PHC2: variants seen among roughly 807,000 people sequenced by gnomAD.
PHC2 encodes the protein polyhomeotic homolog 2.
In PHC2, 29 loss-of-function variants were observed where a neutral mutation model predicts 87.4. The observed-to-expected ratio is 0.33, with a 90% CI of 0.25 to 0.45. The LOEUF is 0.45. Among genes scored for constraint, PHC2 ranks in the 20% least tolerant of loss-of-function variants. The pLI is 1.00. For synonymous variants in PHC2, 438 were observed against 461.7 expected (o/e 0.95, Z 0.66); for missense variants, 857 against 1,136.7 (o/e 0.75, Z 3.54).
At chr1:33,344,781 T>A (rs968387614) in intron 9 of PHC2, among the ~76,000 whole-genome samples, 10 of 151,932 alleles carry the variant, frequency 6.6e-5, no homozygotes, top group African/African-American at 1.7e-4. Flanking sequence ...TTTTTTTTTT[T>A]AATTATCTGT....
Position 33,368,405 on chromosome 1 carries a change from G to A in PHC2, c.663+131C>T, listed in dbSNP as rs1036433401. 8 of 611,458 alleles carry A rather than the reference G, an allele frequency of 1.3e-5. No homozygotes were observed. Among genetic ancestry groups the A allele is most frequent in the African/African-American group, 7.4e-5 (4 of 53,930 alleles). The allele number at this position is 611,458 out of a possible 1,614,324, so 37.9% of individuals were successfully genotyped here. A position where few individuals can be genotyped will look rare whatever the true frequency, so the allele number is the denominator to read the frequency against. ...ACAGGGTAGACGCGCAGGCCTGGGGGCATTGGGGTGTCCTGTCTCCCGCCT... is the reference window on the plus strand; with the variant it reads ...ACAGGGTAGACGCGCAGGCCTGGGGACATTGGGGTGTCCTGTCTCCCGCCT... On this transcript the variant is annotated intron_variant, in intron 6 of 14. Transcript: ENST00000683057. The surrounding 1 kb of genome is among the most constrained non-coding windows in gnomAD (Gnocchi z 6.6).
At chr1:33,345,941 A>G (rs1646836999) in intron 9 of PHC2, 3 of 985,124 alleles carry the variant, frequency 3.0e-6, no homozygotes, top group African/African-American at 3.5e-5. Context: ...TGAGTTGTGA[A>G]TAAGTAGTTA....
rs1273579851 is a variant in PHC2 at position 33,372,343 on chromosome 1, G to C, written c.279C>G (p.Leu93=). ...QQHLMLQTAA[L]QQQHLSSAQL... is the part of the protein sequence containing the mutation. ...GGGCGCTGCTGAGGTGCTGCTGCTG[G>C]AGCGCCGCGGTCTGCAGCATGAGGT... The change falls in exon 3 of 15, where the codon CTC becomes CTG. Residue 93 remains leucine, a synonymous_variant. Transcript: ENST00000683057. The C allele has an allele frequency of 6.2e-7, 1 of 1,603,692 alleles. No homozygotes were observed. The highest frequency in any genetic ancestry group is 8.5e-7 in the Non-Finnish European group (1 of 1,173,950).
chr1:33,356,269 A>G (rs1432773913), intron 7 of PHC2, among the ~76,000 whole-genome samples: 25 of 99,142 alleles, frequency 2.5e-4, no homozygotes, highest in African/African-American at 3.8e-4. Context: ...ATATATATAT[A>G]TATATATGTA....
chr1:33,374,427 G>A (rs1175901041), intron 2 of PHC2, among the ~76,000 whole-genome samples: 1 of 152,210 alleles, frequency 6.6e-6, no homozygotes, highest in Non-Finnish European at 1.5e-5. Context: ...GTAGGGGCAG[G>A]AAACATGGAT....
intron 1 of PHC2, among the ~76,000 whole-genome samples, chr1:33,421,372 A>G (rs1650429494): frequency 6.6e-6 from 1 of 152,136 alleles, no homozygotes; most frequent in African/African-American, 2.4e-5. Context: ...AGGTTGGGGG[A>G]AATAAGAAAA....
In PHC2 at chr1:33,349,927, G is replaced by C. The variant is rs2148264588; in HGVS notation, c.1558+4474C>G. Reference sequence around the variant, plus strand: ...CGAGTCTGGGACGGCTCCCGCGGCCGCCTCCGCCGGGGGCGGGGCGAGGGA... The same window carrying C: ...CGAGTCTGGGACGGCTCCCGCGGCCCCCTCCGCCGGGGGCGGGGCGAGGGA... On this transcript the variant is annotated intron_variant, in intron 9 of 14. Coordinates refer to ENST00000683057, the MANE Select transcript of PHC2 (RefSeq NM_001385109.1). This position sits in a 1 kb window ranked among gnomAD's most constrained non-coding sequence, Gnocchi z 4.2. 1 of 896,670 alleles carries C rather than the reference G, an allele frequency of 1.1e-6. No homozygotes were observed. Among genetic ancestry groups the C allele is most frequent in the East Asian group, 1.2e-4 (1 of 8,088 alleles). 55.5% of individuals were successfully genotyped at this position (896,670 alleles called of 1,614,324 possible).
intron 2 of PHC2, among the ~76,000 whole-genome samples, chr1:33,375,036 A>C (rs1249482826): frequency 6.6e-6 from 1 of 152,218 alleles, no homozygotes; most frequent in Non-Finnish European, 1.5e-5. Flanking sequence ...TTGGTCTCTG[A>C]AAAACTGAGA....
At chr1:33,429,005 A>G (rs1299908964) in intron 1 of PHC2, among the ~76,000 whole-genome samples, 6 of 152,266 alleles carry the variant, frequency 3.9e-5, no homozygotes, top group Non-Finnish European at 8.8e-5. Context: ...TGATCTTACT[A>G]CTTATTTCCC....
chr1:33,411,823 T>A (rs942326429), intron 1 of PHC2, among the ~76,000 whole-genome samples: 1 of 152,180 alleles, frequency 6.6e-6, no homozygotes, highest in Non-Finnish European at 1.5e-5. Flanking sequence ...CCTCCCAAAG[T>A]GCTGGGATTA....
intron 7 of PHC2, among the ~76,000 whole-genome samples, chr1:33,365,430 C>T (rs1158357908): frequency 2.6e-5 from 4 of 152,082 alleles, no homozygotes; most frequent in African/African-American, 4.8e-5. Flanking sequence ...GGTTACATTT[C>T]GGCCTGGGCT....
intron 7 of PHC2, among the ~76,000 whole-genome samples, chr1:33,362,281 T>A (rs1557833605): frequency 6.6e-6 from 1 of 152,232 alleles, no homozygotes; most frequent in African/African-American, 2.4e-5. Flanking sequence ...TACTACCTGT[T>A]ATCTGAATGT....
chr1:33,389,072 A>AAAG (rs1553188697), intron 1 of PHC2, among the ~76,000 whole-genome samples: 117 of 145,200 alleles, frequency 8.1e-4, no homozygotes, highest in African/African-American at 2.6e-3. Context: ...AAAAAAAAAA[A>AAAG]AAAGAAAGAA....
rs1351302923 is a variant in PHC2, at chr1:33,396,343, CG to C, written c.-54-20751del. Among the ~76,000 whole-genome samples, 13 of 150,346 alleles carry C rather than the reference CG, an allele frequency of 8.6e-5. 1 individual carries two copies. Among genetic ancestry groups the C allele is most frequent in the Admixed American group, 8.0e-4 (12 of 15,086 alleles). On this transcript the variant is annotated intron_variant, in intron 1 of 14. Transcript: ENST00000683057. ...GACCTGAATGGACAGTTGATTTTAA[CG>C]GGGTGGGGAAGGGTGAGGGGAGGGG...
intron 9 of PHC2, among the ~76,000 whole-genome samples, chr1:33,336,052 G>A (rs1308145701): frequency 2.0e-5 from 3 of 151,384 alleles, no homozygotes; most frequent in Non-Finnish European, 2.9e-5. Flanking sequence ...GCAGTGGTGC[G>A]ACCTATGCTC....
chr1:33,429,773 T>A (rs1180506518), intron 1 of PHC2, among the ~76,000 whole-genome samples: 2 of 152,264 alleles, frequency 1.3e-5, no homozygotes, highest in Admixed American at 6.5e-5. Context: ...AAGAGCAACG[T>A]GGAAGTGGAA....
Position 33,349,170 on chromosome 1 carries a change from CAAA to C in PHC2, c.1558+5228_1558+5230del, listed in dbSNP as rs1646905289. The C allele has an allele frequency of 3.0e-6, 3 of 985,334 alleles. No homozygotes were observed. Among genetic ancestry groups the C allele is most frequent in the Middle Eastern group, 5.2e-4 (1 of 1,936 alleles). The allele number at this position is 985,334 out of a possible 1,614,324, so 61.0% of individuals were successfully genotyped here. On this transcript the variant is annotated intron_variant, in intron 9 of 14. Coordinates refer to ENST00000683057, the MANE Select transcript of PHC2 (RefSeq NM_001385109.1). The surrounding 1 kb of genome is among the most constrained non-coding windows in gnomAD (Gnocchi z 4.2). ...TCGTGAGACTGAACTAGATTAAAAA[CAAA>C]ACTCTCCAGCGAAGCCGCAGGCGCC... is the stretch of plus-strand genomic sequence containing the variant.
rs767002913 is a variant in PHC2 at position 33,368,181 on chromosome 1, G to A, written c.663+355C>T. On this transcript the variant is annotated intron_variant, in intron 6 of 14. Transcript: ENST00000683057. This position sits in a 1 kb window ranked among gnomAD's most constrained non-coding sequence, Gnocchi z 6.6. ...TTTCTCGAGTCCTAGCAGCACTACC[G>A]TGTGTAACCGGAGCGGGACTTTCCA... Among the ~76,000 whole-genome samples the A allele has an allele frequency of 1.3e-5, 2 of 152,208 alleles. No homozygotes were observed. The highest frequency in any genetic ancestry group is 2.4e-5 in the African/African-American group (1 of 41,450).
chr1:33,398,442 T>C (rs1649381931), intron 1 of PHC2, among the ~76,000 whole-genome samples: 1 of 152,256 alleles, frequency 6.6e-6, no homozygotes, highest in African/African-American at 2.4e-5. Flanking sequence ...ATTTAATGTA[T>C]AGCTTAGCTG....
Sources: allele counts gnomAD v4.1 joint callset (sites outside exome capture counted in the v4.1 genomes callset), GRCh38; gene constraint gnomAD v4.1.1; non-coding constraint Gnocchi (gnomAD v3.1); transcripts MANE v1.5; gene names NCBI Gene and HGNC (gene_info 2026-07-23, HGNC 2026-07-21).